DYSF: variants seen among roughly 807,000 people sequenced by gnomAD.
The protein encoded by DYSF is dysferlin, also known as dystrophy-associated fer-1-like 1.
In DYSF, 212 loss-of-function variants were observed where a neutral mutation model predicts 274.9. The ratio of observed to expected loss-of-function variants is 0.77; its 90% CI spans 0.69 to 0.86. The LOEUF is 0.86. DYSF is among the 40% of genes least tolerant of loss of function. DYSF has a pLI of 0.00. For missense variants in DYSF, 2,666 were observed against 2,783.2 expected, an observed-to-expected ratio of 0.96 and a Z score of 0.95; for synonymous variants, 1,091 against 1,078.7, an observed-to-expected ratio of 1.01 and a Z score of -0.22.
intron 19 of DYSF, among the ~76,000 whole-genome samples, chr2:71,552,649 C>A (rs929583828): frequency 7.2e-5 from 11 of 152,330 alleles, no homozygotes; most frequent in African/African-American, 1.9e-4. Context: ...GGCTTAAAAG[C>A]CTTAAGCCCC....
At chr2:71,683,885 C>G (rs1003116899) in intron 55 of DYSF, among the ~76,000 whole-genome samples, 2 of 151,918 alleles carry the variant, frequency 1.3e-5, no homozygotes, top group African/African-American at 4.8e-5. Context: ...GAATGCATCT[C>G]AGAGAGGAAG....
chr2:71,661,132 A>G lies in DYSF; in HGVS notation c.5003+481A>G, dbSNP rs563240850. 3.2e-4 allele frequency among the ~76,000 whole-genome samples: 49 copies of G among 151,428 alleles called. 1 individual carries two copies. Among genetic ancestry groups the G allele is most frequent in the African/African-American group, 1.1e-3 (45 of 41,424 alleles). ...ACCCTGTCTCAAAAAAAAAAAAAAA[A>G]AAAAAGAAAGAAAAAGTAGAAATCT... is the stretch of plus-strand genomic sequence containing the variant. On this transcript the variant is annotated intron_variant, in intron 45 of 55. Transcript: ENST00000410020.
chr2:71,614,481 C>T (rs142038951), intron 40 of DYSF, among the ~76,000 whole-genome samples: 10 of 152,354 alleles, frequency 6.6e-5, no homozygotes, highest in African/African-American at 2.2e-4. Context: ...GACCTCCTGC[C>T]CCCTGTCCCT....
At chr2:71,621,048 G>C (rs1574416390) in intron 41 of DYSF, among the ~76,000 whole-genome samples, 1 of 152,208 alleles carries the variant, frequency 6.6e-6, no homozygotes, top group East Asian at 1.9e-4. Context: ...TGGCCCCTCG[G>C]GTGCTAAGAG....
At chr2:71,551,216 C>T (rs1046713558) in intron 18 of DYSF, 60 bp downstream of exon 18, 14 of 1,563,362 alleles carry the variant, frequency 9.0e-6, no homozygotes, top group Non-Finnish European at 1.2e-5. Flanking sequence ...CCTCAGGAGC[C>T]CAGGCCTGCA....
chr2:71,667,281 C>A, intron 47 of DYSF, 95 bp from the exon 48 acceptor site: 1 of 1,590,938 alleles, frequency 6.3e-7, no homozygotes, highest in Non-Finnish European at 8.6e-7. Context: ...CTTCTTATGA[C>A]TCTTAGGCAG....
intron 32 of DYSF, among the ~76,000 whole-genome samples, chr2:71,591,256 C>A (rs1436898516): frequency 1.3e-5 from 2 of 152,238 alleles, no homozygotes; most frequent in African/African-American, 4.8e-5. Flanking sequence ...CCCAGATGCC[C>A]TCTGACTTCC....
At chr2:71,584,374 C>T (rs2092995586) in intron 30 of DYSF, among the ~76,000 whole-genome samples, 1 of 152,146 alleles carries the variant, frequency 6.6e-6, no homozygotes, top group Non-Finnish European at 1.5e-5. Context: ...CAGCACCCTC[C>T]TTCCCCTCCT....
Position 71,610,906 on chromosome 2 carries a change from C to T in DYSF, c.3958-339C>T, listed in dbSNP as rs150126177. On this transcript the variant is annotated intron_variant, in intron 36 of 55. Transcript: ENST00000410020. ...CAGGATGGAATAGGCAGTGTGTGCACGCATATGCTGTGTGCGTATCAGGGA... is the reference window on the plus strand; with the variant it reads ...CAGGATGGAATAGGCAGTGTGTGCATGCATATGCTGTGTGCGTATCAGGGA... 151 of 382,812 alleles carry T rather than the reference C, an allele frequency of 3.9e-4. 4 individuals carry two copies. The East Asian group carries it at 6.8e-3, about 17-fold the overall frequency. 23.7% of individuals were successfully genotyped at this position (382,812 alleles called of 1,614,324 possible). A position where few individuals can be genotyped will look rare whatever the true frequency, so the allele number is the denominator to read the frequency against.
chr2:71,517,814 G>A (rs923028901), intron 10 of DYSF, among the ~76,000 whole-genome samples: 2 of 152,186 alleles, frequency 1.3e-5, no homozygotes, highest in African/African-American at 4.8e-5. Flanking sequence ...AAGAGACAGG[G>A]AAAGTGTAAT....
intron 42 of DYSF, among the ~76,000 whole-genome samples, chr2:71,644,342 C>T (rs2094534689): frequency 1.3e-5 from 2 of 152,180 alleles, no homozygotes; most frequent in South Asian, 4.1e-4. Context: ...TAACGTGCCC[C>T]AGCCCCCTAC....
chr2:71,608,282 T>C (rs893320762), intron 36 of DYSF, among the ~76,000 whole-genome samples: 1 of 151,220 alleles, frequency 6.6e-6, no homozygotes, highest in African/African-American at 2.4e-5. Context: ...ATTTGGGAGA[T>C]GGGGATGTCT....
At chr2:71,628,106 A>G (rs1021122356) in intron 41 of DYSF, among the ~76,000 whole-genome samples, 3 of 152,060 alleles carry the variant, frequency 2.0e-5, no homozygotes, top group African/African-American at 7.2e-5. Context: ...CCTTTTTTCA[A>G]TTAAAATATT....
chr2:71,638,003 T>C (rs2094432302), intron 41 of DYSF, among the ~76,000 whole-genome samples: 1 of 152,130 alleles, frequency 6.6e-6, no homozygotes, highest in South Asian at 2.1e-4. Context: ...GAACAGCAGC[T>C]GCCAGACATC....
intron 30 of DYSF, among the ~76,000 whole-genome samples, chr2:71,576,053 C>T (rs1481086420): frequency 6.6e-6 from 1 of 152,214 alleles, no homozygotes; most frequent in Non-Finnish European, 1.5e-5. Flanking sequence ...GTGCTGCCTT[C>T]TCAGTAATGT....
Position 71,574,273 on chromosome 2 carries a change from C to G in DYSF, c.3304C>G (p.Arg1102Gly). 1 of 1,614,154 alleles carries G rather than the reference C, an allele frequency of 6.2e-7. No homozygotes were observed. Among genetic ancestry groups the G allele is most frequent in the Non-Finnish European group, 8.5e-7 (1 of 1,180,040 alleles). ...LFGWKFHLEY[R>G]KTDAFRRRRW... Reference sequence around the variant, plus strand: ...TGGCTGGAAGTTCCACCTCGAGTACCGCAAGACAGATGCCTTCCGCCGCCG... The same window carrying G: ...TGGCTGGAAGTTCCACCTCGAGTACGGCAAGACAGATGCCTTCCGCCGCCG... The change falls in exon 30 of 56, where the codon CGC becomes GGC. Residue 1102 changes from arginine to glycine, a missense_variant. Arg to Gly is a moderately radical substitution (Grantham distance 125). Coordinates refer to ENST00000410020, the MANE Select transcript of DYSF (RefSeq NM_001130987.2).
In DYSF at chr2:71,669,762, A is replaced by G; in HGVS notation, c.5784+16A>G. ...TGCCAAGAAGGTCAGTGTCCTTCCG[A>G]TTCCCTGTGGTGCCAGCACCAGGGC... is the stretch of plus-strand genomic sequence containing the variant. On this transcript the variant is annotated intron_variant, in intron 51 of 55. Transcript: ENST00000410020. 1 of 1,614,080 alleles carries G rather than the reference A, an allele frequency of 6.2e-7. No individual in the cohort carries two copies.
Position 71,569,622 on chromosome 2 carries a change from C to T in DYSF, c.2865-198C>T, listed in dbSNP as rs188260086. Among the ~76,000 whole-genome samples, 37 of 152,194 alleles carry T rather than the reference C, an allele frequency of 2.4e-4. No homozygotes were observed. In the East Asian group the frequency reaches 6.4e-3, roughly 26 times the overall value. On this transcript the variant is annotated intron_variant, in intron 26 of 55. Coordinates refer to ENST00000410020, the MANE Select transcript of DYSF (RefSeq NM_001130987.2). ...CTTGGGTGATGTGCTCTTTTGTCCCCGATTATCTCGGAGTGTCCCTAGGTC... is the reference window on the plus strand; with the variant it reads ...CTTGGGTGATGTGCTCTTTTGTCCCTGATTATCTCGGAGTGTCCCTAGGTC...
In DYSF at chr2:71,665,317, A is replaced by G. The variant is rs761118427; in HGVS notation, c.5317+13A>G. On this transcript the variant is annotated intron_variant, in intron 47 of 55. Transcript: ENST00000410020. ...ATTGAAGAGATAGGTGAGCTGCCAC[A>G]TGACCCCAAACCATGGTGGGCTCTC... 8 of 1,613,950 alleles carry G rather than the reference A, an allele frequency of 5.0e-6. No homozygotes were observed. Among genetic ancestry groups the G allele is most frequent in the Non-Finnish European group, 5.1e-6 (6 of 1,179,968 alleles).
Sources: allele counts gnomAD v4.1 joint callset (sites outside exome capture counted in the v4.1 genomes callset), GRCh38; gene constraint gnomAD v4.1.1; transcripts MANE v1.5; gene names NCBI Gene and HGNC (gene_info 2026-07-23, HGNC 2026-07-21).